Variants in REV3L observed in about 807,000 individuals in gnomAD.
The protein encoded by REV3L is REV3 like, DNA directed polymerase zeta catalytic subunit, also known as DNA polymerase zeta catalytic subunit.
Under a neutral mutation model 299.4 loss-of-function variants are expected in REV3L, and 69 were observed. The ratio of observed to expected loss-of-function variants is 0.23; its 90% CI spans 0.19 to 0.28. The LOEUF (loss-of-function observed/expected upper bound fraction) is 0.28. Among genes scored for constraint, REV3L ranks in the 10% least tolerant of loss-of-function variants. The probability of loss-of-function intolerance (pLI) is 1.00; values close to 1 mark genes in which losing one functional copy is unlikely to be tolerated. For missense variants in REV3L, 3,128 were observed against 3,693.8 expected (o/e 0.85, Z 3.97); for synonymous variants, 1,238 against 1,271.4 (o/e 0.97, Z 0.56).
intron 26 of REV3L, among the ~76,000 whole-genome samples, chr6:111,318,207 C>T (rs1024270382): frequency 4.6e-5 from 7 of 152,076 alleles, no homozygotes; most frequent in African/African-American, 1.7e-4. Context: ...CCTGCCTCAG[C>T]CTCCTGAGTA....
At chr6:111,343,749 C>T (rs1776757815) in intron 21 of REV3L, among the ~76,000 whole-genome samples, 176 bp downstream of exon 21, 1 of 152,152 alleles carries the variant, frequency 6.6e-6, no homozygotes, top group Admixed American at 6.5e-5. Flanking sequence ...AGGCTGGTCT[C>T]GAACTCCTGA....
In REV3L at chr6:111,380,126, C is replaced by G. The variant is rs772855699; in HGVS notation, c.1310G>C (p.Cys437Ser). ...RGERNRMPSP[C>S]RSFGNNKYPQ... ...ATATTTATTATTTCCAAAGGAGCGA[C>G]ATGGTGATGGCATCCTATTTCTTTC... Residue 437 changes from cysteine (C) to serine (S), a missense_variant, in exon 11 of 32, where the codon TGT (cysteine) becomes TCT (serine). Physicochemically the swap from Cys to Ser is moderately radical, Grantham distance 112. Around this residue, in one of 9 missense-constraint regions of REV3L, gnomAD observed 2,409 missense variants for 2,611.8 expected, o/e 0.92. Coordinates refer to ENST00000368802, the MANE Select transcript of REV3L (RefSeq NM_001372078.1). 1.2e-6 allele frequency: 2 copies of G among 1,614,010 alleles called. No homozygotes were observed. Among genetic ancestry groups the G allele is most frequent in the Non-Finnish European group, 1.7e-6 (2 of 1,179,890 alleles).
intron 12 of REV3L, among the ~76,000 whole-genome samples, 159 bp from the exon 13 acceptor site, chr6:111,376,916 A>G (rs1458947147): frequency 6.6e-6 from 1 of 152,152 alleles, no homozygotes; most frequent in Non-Finnish European, 1.5e-5. Flanking sequence ...TAATGACTCA[A>G]TCTAAATATA....
At chr6:111,380,246 A>G (rs771743043) in intron 10 of REV3L, 27 bp from the exon 11 acceptor site, 6 of 1,468,530 alleles carry the variant, frequency 4.1e-6, no homozygotes, top group African/African-American at 1.4e-5. Flanking sequence ...ATAATCACCA[A>G]CAAATAAGTT....
chr6:111,327,113 C>T (rs1163931918), intron 25 of REV3L, among the ~76,000 whole-genome samples: 1 of 152,180 alleles, frequency 6.6e-6, no homozygotes, highest in African/African-American at 2.4e-5. Flanking sequence ...ACTTCCACTG[C>T]TAGTTCAAAA....
intron 16 of REV3L, chr6:111,361,448 G>C (rs1393756376): frequency 6.9e-6 from 1 of 144,388 alleles, no homozygotes; most frequent in Non-Finnish European, 1.5e-5. Flanking sequence ...AAAAAAGAAA[G>C]GGATGAACAT....
At chr6:111,395,701 C>T (rs1243112141) in intron 4 of REV3L, among the ~76,000 whole-genome samples, 1 of 152,066 alleles carries the variant, frequency 6.6e-6, no homozygotes, top group African/African-American at 2.4e-5. Flanking sequence ...TACCTGATTG[C>T]TATGGCTAGA....
At position 111,375,436 on chromosome 6, in the gene REV3L, AG is replaced by A; in HGVS notation, c.2918del (p.Pro973LeufsTer4). The A allele has an allele frequency of 6.2e-7, 1 of 1,600,234 alleles. No homozygotes were observed. The highest frequency in any genetic ancestry group is 8.5e-7 in the Non-Finnish European group (1 of 1,176,048). ...TAATAATAATATACTTTATGATGACAGGGGGCAGCTTTTTAGACATTTTTCT... is the reference window on the plus strand; with the variant it reads ...TAATAATAATATACTTTATGATGACAGGGGCAGCTTTTTAGACATTTTTCT... ...KRRKMSKKLP[P>X]VIIKYIIINR... On this transcript the variant is annotated frameshift_variant, in exon 13 of 32. Transcript: ENST00000368802. LOFTEE classifies it high-confidence loss of function.
chr6:111,473,013 T>G (rs528568458), intron 1 of REV3L, among the ~76,000 whole-genome samples: 6 of 152,324 alleles, frequency 3.9e-5, no homozygotes, highest in African/African-American at 1.4e-4. Flanking sequence ...CACCCAAAGT[T>G]TACTGTTCCT....
chr6:111,329,881 T>C, intron 24 of REV3L, 143 bp from the exon 25 acceptor site: 3 of 648,382 alleles, frequency 4.6e-6, no homozygotes, highest in Non-Finnish European at 5.3e-6. Context: ...TTAGTGGCCG[T>C]CAATATAAAA....
rs1474798237 is a variant in REV3L at position 111,300,005 on chromosome 6, A to G, written c.*11T>C. 1.2e-6 allele frequency: 2 copies of G among 1,610,170 alleles called. No individual in the cohort carries two copies. The highest frequency in any genetic ancestry group is 1.3e-5 in the African/African-American group (1 of 74,866). The stretch of plus-strand genomic sequence containing the variant: ...AAAAAATAGCACCTGTAATACTGTG[A>G]TATTGACAATTTAAAACTGGTCTAA... On this transcript the variant is annotated 3_prime_UTR_variant, in exon 32 of 32. Transcript: ENST00000368802.
intron 13 of REV3L, among the ~76,000 whole-genome samples, chr6:111,369,589 C>T (rs539191905): frequency 1.4e-4 from 22 of 151,834 alleles, no homozygotes; most frequent in Admixed American, 2.6e-4. Flanking sequence ...ACATATGCAG[C>T]GATTAAAATA....
intron 9 of REV3L, among the ~76,000 whole-genome samples, chr6:111,384,348 A>C (rs1781125235): frequency 6.6e-6 from 1 of 152,234 alleles, no homozygotes; most frequent in African/African-American, 2.4e-5. Flanking sequence ...AAATATCTGC[A>C]AACTATCCAT....
chr6:111,347,990 C>T (rs1027558014), intron 20 of REV3L, among the ~76,000 whole-genome samples: 1 of 152,128 alleles, frequency 6.6e-6, no homozygotes, highest in Non-Finnish European at 1.5e-5. Flanking sequence ...TTGGTAGAGA[C>T]GGGGTTTTGC....
At chr6:111,478,693 G>C (rs544559206) in intron 1 of REV3L, among the ~76,000 whole-genome samples, 1 of 149,530 alleles carries the variant, frequency 6.7e-6, no homozygotes, top group African/African-American at 2.5e-5. Flanking sequence ...TATAAACAAT[G>C]AGAATATATT....
chr6:111,413,440 T>C (rs1219139681), intron 2 of REV3L, among the ~76,000 whole-genome samples: 1 of 152,110 alleles, frequency 6.6e-6, no homozygotes, highest in Non-Finnish European at 1.5e-5. Context: ...GGATTGAGAA[T>C]CTCTTTATAG....
At chr6:111,356,203 A>G (rs968451837) in intron 18 of REV3L, among the ~76,000 whole-genome samples, 1 of 152,156 alleles carries the variant, frequency 6.6e-6, no homozygotes, top group African/African-American at 2.4e-5. Flanking sequence ...TCTGTATATC[A>G]GGATCCAAAG....
At chr6:111,450,371 C>T (rs1275922793) in intron 1 of REV3L, among the ~76,000 whole-genome samples, 2 of 146,586 alleles carry the variant, frequency 1.4e-5, no homozygotes, top group African/African-American at 5.0e-5. Context: ...TCCAGCTATT[C>T]AGGAGGCTGA....
At position 111,343,910 on chromosome 6, in the gene REV3L, G is replaced by T; in HGVS notation, c.7538+15C>A. 3 of 1,437,934 alleles carry T rather than the reference G, an allele frequency of 2.1e-6. No individual in the cohort carries two copies. The highest frequency in any genetic ancestry group is 2.9e-6 in the Non-Finnish European group (3 of 1,042,008). The allele number at this position is 1,437,934 out of a possible 1,614,324, so 89.1% of individuals were successfully genotyped here. A position where few individuals can be genotyped will look rare whatever the true frequency, so the allele number is the denominator to read the frequency against. ...ATGATTTTATATTACCTTCTTCAGA[G>T]TTATAGAACAGTACCTGTATAGATC... On this transcript the variant is annotated intron_variant, in intron 21 of 31. Transcript: ENST00000368802.
Sources: gnomAD v4.1 joint callset for allele counts (sites outside exome capture counted in the v4.1 genomes callset) on GRCh38, gnomAD v4.1.1 for gene constraint, gnomAD v4.1.1 regional missense constraint, MANE v1.5 for transcripts, NCBI Gene and HGNC (gene_info 2026-07-23, HGNC 2026-07-21) for gene names.